The following TNR variants were observed in gnomAD, a reference collection of about 807,000 sequenced individuals.
TNR encodes the protein tenascin R.
In TNR, 45 loss-of-function variants were observed where a neutral mutation model predicts 150.4. The observed-to-expected ratio is 0.30, with a 90% CI of 0.24 to 0.38. The LOEUF is 0.38. TNR is among the 10% of genes least tolerant of loss of function. The pLI is 1.00. For missense variants in TNR, 1,544 were observed against 1,759.1 expected (o/e 0.88, Z 2.19); for synonymous variants, 687 against 678.4 (o/e 1.01, Z -0.20).
chr1:175,530,111 C>A (rs1046680827), intron 1 of TNR, among the ~76,000 whole-genome samples: 2 of 152,200 alleles, frequency 1.3e-5, no homozygotes, highest in African/African-American at 4.8e-5. Flanking sequence ...AATCGTTTCT[C>A]CCAATCTCGG....
At chr1:175,434,611 A>C (rs1055240929) in intron 2 of TNR, among the ~76,000 whole-genome samples, 2 of 152,196 alleles carry the variant, frequency 1.3e-5, no homozygotes, top group East Asian at 1.9e-4. Context: ...CAAGCTCATT[A>C]ACTCGACAAT....
chr1:175,499,524 C>T (rs542766786), intron 2 of TNR, among the ~76,000 whole-genome samples: 2 of 152,186 alleles, frequency 1.3e-5, no homozygotes, highest in East Asian at 1.9e-4. Context: ...CCTTCCTCCA[C>T]ACCCTCCCTT....
chr1:175,661,583 A>G (rs1163914500), intron 1 of TNR, among the ~76,000 whole-genome samples: 1 of 152,078 alleles, frequency 6.6e-6, no homozygotes, highest in Non-Finnish European at 1.5e-5. Flanking sequence ...GCTGCTTGAC[A>G]GCAGGGTGGG....
intron 2 of TNR, among the ~76,000 whole-genome samples, chr1:175,522,161 A>T (rs902672422): frequency 3.3e-5 from 5 of 151,528 alleles, no homozygotes; most frequent in Admixed American, 3.3e-4. Flanking sequence ...GGCTGGCGGC[A>T]CTCGAAGCCA....
chr1:175,562,062 A>T (rs1462398906), intron 1 of TNR, among the ~76,000 whole-genome samples: 5 of 152,232 alleles, frequency 3.3e-5, no homozygotes, highest in Non-Finnish European at 1.5e-5. Flanking sequence ...AGGGCTAATG[A>T]CTTAATATAT....
At chr1:175,435,434 T>C (rs763238612) in intron 2 of TNR, among the ~76,000 whole-genome samples, 1 of 152,132 alleles carries the variant, frequency 6.6e-6, no homozygotes, top group Non-Finnish European at 1.5e-5. Context: ...CCACGGAGGA[T>C]CAGGTTTAGA....
chr1:175,441,073 C>T lies in TNR; in HGVS notation c.-63-34296G>A, dbSNP rs565338061. ...TCAAAGAAATAAGAAGCCAGGTCAT[C>T]AGCTGAGTATGAAGATGAGAGCATA... On this transcript the variant is annotated intron_variant, in intron 2 of 22. Coordinates refer to ENST00000367674, the MANE Select transcript of TNR (RefSeq NM_003285.3). 3.9e-4 allele frequency among the ~76,000 whole-genome samples: 60 copies of T among 152,234 alleles called. No homozygotes were observed. The South Asian group carries it at 0.012, about 31-fold the overall frequency.
chr1:175,343,080 T>G (rs894091684), intron 18 of TNR, among the ~76,000 whole-genome samples: 51 of 152,316 alleles, frequency 3.3e-4, no homozygotes, highest in African/African-American at 1.1e-3. Context: ...TCTCCACACT[T>G]TAGCCAGAGT....
At chr1:175,463,834 A>C (rs1656918834) in intron 2 of TNR, among the ~76,000 whole-genome samples, 1 of 152,226 alleles carries the variant, frequency 6.6e-6, no homozygotes, top group Admixed American at 6.5e-5. Context: ...ATTCTGCTGC[A>C]AGGCAGAAAT....
rs964607134 is a variant in TNR at position 175,417,025 on chromosome 1, A to G, written c.-63-10248T>C. ...TCCATCTCAAAAAAAGAAAGAAAGA[A>G]AGAAAGAAAGAAAGAAAGAAAGAAA... On this transcript the variant is annotated intron_variant, in intron 2 of 22. Coordinates refer to ENST00000367674, the MANE Select transcript of TNR (RefSeq NM_003285.3). Among the ~76,000 whole-genome samples the G allele has an allele frequency of 3.2e-5, 3 of 94,506 alleles. No homozygotes were observed. In the Admixed American group the frequency reaches 3.4e-4, roughly 11 times the overall value. 62.0% of individuals were successfully genotyped at this position (94,506 alleles called of 152,430 possible). A position where few individuals can be genotyped will look rare whatever the true frequency, so the allele number is the denominator to read the frequency against.
Position 175,375,957 on chromosome 1 carries a change from G to A in TNR, c.1963+3595C>T, listed in dbSNP as rs1452634014. On this transcript the variant is annotated intron_variant, in intron 9 of 22. Transcript: ENST00000367674. ...TTTTAGATGAGAGAACTAAAGTGCA[G>A]GAAATTTAAGAAATTTGCTCAAGGA... is the stretch of plus-strand genomic sequence containing the variant. Among the ~76,000 whole-genome samples the A allele has an allele frequency of 2.6e-5, 4 of 152,186 alleles. No homozygotes were observed. The East Asian group carries it at 7.7e-4, about 29-fold the overall frequency.
At chr1:175,433,499 C>T (rs1655364234) in intron 2 of TNR, among the ~76,000 whole-genome samples, 1 of 152,186 alleles carries the variant, frequency 6.6e-6, no homozygotes, top group African/African-American at 2.4e-5. Context: ...GGGGATGTCA[C>T]AGCTGAAGGC....
intron 1 of TNR, among the ~76,000 whole-genome samples, chr1:175,736,323 C>A (rs1667768006): frequency 6.6e-6 from 1 of 151,982 alleles, no homozygotes; most frequent in Non-Finnish European, 1.5e-5. Flanking sequence ...ATATCGAGAC[C>A]ATCCTGGCTA....
intron 2 of TNR, among the ~76,000 whole-genome samples, chr1:175,415,248 T>C (rs1654386468): frequency 6.6e-6 from 1 of 151,532 alleles, no homozygotes; most frequent in Non-Finnish European, 1.5e-5. Flanking sequence ...AAGACGAGGG[T>C]GTAATGTGAT....
chr1:175,653,157 C>T (rs905365986), intron 1 of TNR, among the ~76,000 whole-genome samples: 7 of 152,156 alleles, frequency 4.6e-5, no homozygotes, highest in African/African-American at 1.4e-4. Flanking sequence ...GGGCCCATTC[C>T]TGGAGACATA....
At chr1:175,678,521 C>T (rs2101908338) in intron 1 of TNR, among the ~76,000 whole-genome samples, 1 of 152,318 alleles carries the variant, frequency 6.6e-6, no homozygotes, top group Admixed American at 6.5e-5. Flanking sequence ...CTGGAAGACA[C>T]AGTGCTGAGA....
chr1:175,534,488 T>A (rs935205448), intron 1 of TNR, among the ~76,000 whole-genome samples: 1 of 152,220 alleles, frequency 6.6e-6, no homozygotes, highest in Non-Finnish European at 1.5e-5. Context: ...GATTTCTGAA[T>A]GGATTATTTG....
At chr1:175,613,841 C>A (rs1663677436) in intron 1 of TNR, among the ~76,000 whole-genome samples, 1 of 152,158 alleles carries the variant, frequency 6.6e-6, no homozygotes, top group African/African-American at 2.4e-5. Context: ...ATAAGATGAA[C>A]ATGATGCCGT....
chr1:175,506,368 T>C lies in TNR; in HGVS notation c.-64+21901A>G, dbSNP rs965929036. Among the ~76,000 whole-genome samples, 3 of 152,266 alleles carry C rather than the reference T, an allele frequency of 2.0e-5. 1 individual carries two copies. The highest frequency in any genetic ancestry group is 4.1e-4 in the South Asian group (2 of 4,832). ...TTCTAGCCAACATTCTAAACACTTATGTTAGCTCAGAAACTAAATCGTGTC... is the reference window on the plus strand; with the variant it reads ...TTCTAGCCAACATTCTAAACACTTACGTTAGCTCAGAAACTAAATCGTGTC... On this transcript the variant is annotated intron_variant, in intron 2 of 22. Transcript: ENST00000367674.
Sources: gnomAD v4.1 joint callset for allele counts (sites outside exome capture counted in the v4.1 genomes callset) on GRCh38, gnomAD v4.1.1 for gene constraint, MANE v1.5 for transcripts, NCBI Gene and HGNC (gene_info 2026-07-23, HGNC 2026-07-21) for gene names.